HS6ST3: variants seen among roughly 807,000 people sequenced by gnomAD.
HS6ST3 encodes heparan sulfate 6-O-sulfotransferase 3.
HS6ST3 carries 12 observed loss-of-function variants against 36.7 expected under a neutral mutation model. The ratio of observed to expected loss-of-function variants is 0.33; its 90% confidence interval spans 0.21 to 0.53. The LOEUF (loss-of-function observed/expected upper bound fraction) is 0.53, where lower values mean the gene tolerates loss of function less well. Among genes scored for constraint, HS6ST3 ranks in the 20% least tolerant of loss-of-function variants. The pLI is 0.95. For synonymous variants in HS6ST3, 240 were observed against 257.5 expected, an observed-to-expected ratio of 0.93 and a Z score of 0.65; for missense variants, 584 against 640.9, an observed-to-expected ratio of 0.91 and a Z score of 0.96.
intron 1 of HS6ST3, among the ~76,000 whole-genome samples, chr13:96,427,032 G>A (rs1213592212): frequency 6.6e-6 from 1 of 152,156 alleles, no homozygotes; most frequent in Non-Finnish European, 1.5e-5. Context: ...TTGGGGGTAG[G>A]ATTTGAGCCT....
chr13:96,456,182 A>T (rs953900815), intron 1 of HS6ST3, among the ~76,000 whole-genome samples: 6 of 152,232 alleles, frequency 3.9e-5, no homozygotes, highest in South Asian at 2.1e-4. Context: ...TAGGTATTCC[A>T]GGAATAGAAT....
intron 1 of HS6ST3, among the ~76,000 whole-genome samples, chr13:96,342,610 T>C (rs1489868215): frequency 6.6e-6 from 1 of 152,214 alleles, no homozygotes; most frequent in African/African-American, 2.4e-5. Context: ...CAAGACAGAA[T>C]CCACACAAAG....
rs556974909 is a variant in HS6ST3, at chr13:96,403,535, C to T, written c.707+311966C>T. On this transcript the variant is annotated intron_variant, in intron 1 of 1. Transcript: ENST00000376705. ...CATTATGTAGTTCTGAACATTTTTA[C>T]ACTTTTGTGACTTAATCATTTCCTT... is the stretch of plus-strand genomic sequence containing the variant. 1.4e-4 allele frequency among the ~76,000 whole-genome samples: 22 copies of T among 152,262 alleles called. No homozygotes were observed. In the South Asian group the frequency reaches 4.6e-3, roughly 32 times the overall value.
chr13:96,346,311 A>G (rs1185095355), intron 1 of HS6ST3, among the ~76,000 whole-genome samples: 1 of 152,224 alleles, frequency 6.6e-6, no homozygotes, highest in East Asian at 1.9e-4. Flanking sequence ...GCGGTGGCTC[A>G]TGCCTGTAAT....
intron 1 of HS6ST3, among the ~76,000 whole-genome samples, chr13:96,716,555 A>G (rs1875699943): frequency 6.6e-6 from 1 of 152,124 alleles, no homozygotes; most frequent in Admixed American, 6.6e-5. Context: ...TGCTCACTGC[A>G]ATATTTGTCT....
intron 1 of HS6ST3, among the ~76,000 whole-genome samples, chr13:96,210,196 G>A (rs1313836948): frequency 6.6e-6 from 1 of 152,200 alleles, no homozygotes; most frequent in Non-Finnish European, 1.5e-5. Context: ...TTAAAAGCAG[G>A]AAGTATTTTG....
At chr13:96,409,802 T>C (rs2055498156) in intron 1 of HS6ST3, among the ~76,000 whole-genome samples, 1 of 151,912 alleles carries the variant, frequency 6.6e-6, no homozygotes, top group Non-Finnish European at 1.5e-5. Flanking sequence ...CTGTGAGGCC[T>C]GAAAATGAGC....
chr13:96,536,997 C>A (rs1000419421), intron 1 of HS6ST3, among the ~76,000 whole-genome samples: 3 of 152,102 alleles, frequency 2.0e-5, no homozygotes, highest in African/African-American at 7.2e-5. Context: ...GAATCCTCTG[C>A]GAAGCCCATA....
chr13:96,646,771 C>G (rs935608563), intron 1 of HS6ST3, among the ~76,000 whole-genome samples: 1 of 151,892 alleles, frequency 6.6e-6, no homozygotes, highest in Non-Finnish European at 1.5e-5. Context: ...CACAAGGACC[C>G]CAAACGGTGA....
chr13:96,313,297 T>C (rs2054951084), intron 1 of HS6ST3, among the ~76,000 whole-genome samples: 1 of 151,744 alleles, frequency 6.6e-6, no homozygotes, highest in Non-Finnish European at 1.5e-5. Flanking sequence ...TAAAAAGAAT[T>C]GCATCCAACA....
At chr13:96,710,838 T>C (rs1594842267) in intron 1 of HS6ST3, among the ~76,000 whole-genome samples, 2 of 152,294 alleles carry the variant, frequency 1.3e-5, no homozygotes, top group East Asian at 3.9e-4. Context: ...GGATGGGAGA[T>C]CCATCTACCT....
chr13:96,359,414 G>A (rs1002844935), intron 1 of HS6ST3, among the ~76,000 whole-genome samples: 4 of 152,136 alleles, frequency 2.6e-5, no homozygotes, highest in African/African-American at 9.7e-5. Context: ...GTGGAAAACT[G>A]TCTACTTATG....
chr13:96,504,468 C>T (rs1305110065), intron 1 of HS6ST3, among the ~76,000 whole-genome samples: 1 of 151,884 alleles, frequency 6.6e-6, no homozygotes, highest in Admixed American at 6.6e-5. Context: ...TGGTGGGGTT[C>T]AGGAGGTTTA....
chr13:96,207,939 T>C (rs1163213665), intron 1 of HS6ST3, among the ~76,000 whole-genome samples: 1 of 152,198 alleles, frequency 6.6e-6, no homozygotes, highest in East Asian at 1.9e-4. Flanking sequence ...GGCATACATT[T>C]ACCTATGTAA....
At chr13:96,284,169 T>C (rs1209173393) in intron 1 of HS6ST3, among the ~76,000 whole-genome samples, 1 of 152,122 alleles carries the variant, frequency 6.6e-6, no homozygotes, top group Non-Finnish European at 1.5e-5. Flanking sequence ...TTTTTCCCCA[T>C]TGATGTTTTG....
At chr13:96,569,765 T>C (rs1337015927) in intron 1 of HS6ST3, among the ~76,000 whole-genome samples, 2 of 152,272 alleles carry the variant, frequency 1.3e-5, no homozygotes, top group African/African-American at 4.8e-5. Context: ...TTTCTTTAAA[T>C]AGGGAATGTG....
chr13:96,121,964 C>T (rs1396940420), intron 1 of HS6ST3, among the ~76,000 whole-genome samples: 1 of 152,034 alleles, frequency 6.6e-6, no homozygotes, highest in Non-Finnish European at 1.5e-5. Context: ...AAACCCATTG[C>T]CCCAAAACAC....
intron 1 of HS6ST3, among the ~76,000 whole-genome samples, chr13:96,806,774 A>C (rs980480592): frequency 4.6e-5 from 7 of 152,232 alleles, no homozygotes; most frequent in Admixed American, 1.3e-4. Context: ...ACTATGAATC[A>C]GTTTAATGTT....
chr13:96,142,969 A>G (rs1205940279), intron 1 of HS6ST3, among the ~76,000 whole-genome samples: 1 of 152,134 alleles, frequency 6.6e-6, no homozygotes, highest in Admixed American at 6.6e-5. Flanking sequence ...TTAAAAATAA[A>G]TGAAATTCTG....
Sources: gnomAD v4.1 joint callset for allele counts (sites outside exome capture counted in the v4.1 genomes callset) on GRCh38, gnomAD v4.1.1 for gene constraint, MANE v1.5 for transcripts, NCBI Gene and HGNC (gene_info 2026-07-23, HGNC 2026-07-21) for gene names.